The following CNTNAP4 variants were observed in gnomAD, a reference collection of about 807,000 sequenced individuals.
The protein encoded by CNTNAP4 is contactin-associated protein-like 4.
Under a neutral mutation model 148.4 loss-of-function variants are expected in CNTNAP4, and 98 were observed. The observed-to-expected ratio is 0.66, with a 90% CI of 0.56 to 0.78. The LOEUF is 0.78. Among genes scored for constraint, CNTNAP4 ranks in the 30% least tolerant of loss-of-function variants. CNTNAP4 has a pLI of 0.00. For missense variants in CNTNAP4, 1,935 were observed against 1,565.6 expected (o/e 1.24, Z -3.98); for synonymous variants, 730 against 565.1 (o/e 1.29, Z -4.14).
chr16:76,435,658 T>A (rs895470579), intron 4 of CNTNAP4, among the ~76,000 whole-genome samples: 1 of 152,078 alleles, frequency 6.6e-6, no homozygotes, highest in Non-Finnish European at 1.5e-5. Flanking sequence ...AGGTCTAAAG[T>A]GACTAATCTA....
intron 15 of CNTNAP4, among the ~76,000 whole-genome samples, chr16:76,519,941 A>G (rs1031043729): frequency 6.6e-6 from 1 of 152,336 alleles, no homozygotes; most frequent in East Asian, 1.9e-4. Context: ...CGTATAAGCA[A>G]AGTCAAGTTT....
chr16:76,328,973 G>T (rs535790262), intron 2 of CNTNAP4, among the ~76,000 whole-genome samples: 7 of 152,294 alleles, frequency 4.6e-5, no homozygotes, highest in Non-Finnish European at 7.4e-5. Flanking sequence ...ACTGGGCAAA[G>T]GGTGTTTTGG....
intron 2 of CNTNAP4, among the ~76,000 whole-genome samples, chr16:76,343,144 T>C (rs1335484673): frequency 6.6e-6 from 1 of 152,008 alleles, no homozygotes; most frequent in Non-Finnish European, 1.5e-5. Context: ...CAGAAAATGT[T>C]GGCATTAACT....
intron 1 of CNTNAP4, among the ~76,000 whole-genome samples, chr16:76,291,479 A>G (rs1222216675): frequency 6.6e-6 from 1 of 152,078 alleles, no homozygotes; most frequent in African/African-American, 2.4e-5. Context: ...CAACATTTCC[A>G]TAGCCATTAT....
intron 2 of CNTNAP4, among the ~76,000 whole-genome samples, chr16:76,332,562 A>G (rs982730581): frequency 9.2e-5 from 14 of 151,902 alleles, no homozygotes; most frequent in African/African-American, 2.7e-4. Context: ...TTCACTTTTT[A>G]TACTATTTTT....
intron 3 of CNTNAP4, among the ~76,000 whole-genome samples, chr16:76,375,889 A>G (rs575399122): frequency 2.1e-4 from 32 of 152,336 alleles, no homozygotes; most frequent in Admixed American, 7.2e-4. Flanking sequence ...TAAGGATGTC[A>G]TCTCTGTTAT....
chr16:76,519,929 C>G (rs981142135), intron 15 of CNTNAP4, among the ~76,000 whole-genome samples: 2 of 152,140 alleles, frequency 1.3e-5, no homozygotes, highest in African/African-American at 4.8e-5. Context: ...ATTTAAGAAA[C>G]ACGTATAAGC....
chr16:76,394,721 A>G (rs1198043053), intron 3 of CNTNAP4, among the ~76,000 whole-genome samples: 1 of 152,240 alleles, frequency 6.6e-6, no homozygotes, highest in Non-Finnish European at 1.5e-5. Flanking sequence ...TGTTTAATTC[A>G]ATTAAAATGT....
chr16:76,356,541 G>T (rs1394914153), intron 3 of CNTNAP4, among the ~76,000 whole-genome samples: 1 of 152,178 alleles, frequency 6.6e-6, no homozygotes, highest in Non-Finnish European at 1.5e-5. Context: ...GAACCTAAAG[G>T]ATGTTTGTTT....
chr16:76,287,919 G>T (rs1204440526), intron 1 of CNTNAP4, among the ~76,000 whole-genome samples: 2 of 152,142 alleles, frequency 1.3e-5, no homozygotes, highest in Non-Finnish European at 2.9e-5. Context: ...CCAACATTAA[G>T]TTGAGGCTTA....
intron 2 of CNTNAP4, among the ~76,000 whole-genome samples, chr16:76,332,091 A>G (rs1159495862): frequency 6.6e-6 from 1 of 152,130 alleles, no homozygotes; most frequent in Non-Finnish European, 1.5e-5. Flanking sequence ...GACCCTTTAT[A>G]GGTGACATCT....
intron 17 of CNTNAP4, among the ~76,000 whole-genome samples, chr16:76,526,048 G>A (rs1249814963): frequency 6.6e-6 from 1 of 151,938 alleles, no homozygotes; most frequent in Non-Finnish European, 1.5e-5. Flanking sequence ...AAAGTAAAAA[G>A]GGTAGCATGG....
chr16:76,531,296 C>T (rs115519380), intron 17 of CNTNAP4, among the ~76,000 whole-genome samples: 79 of 152,260 alleles, frequency 5.2e-4, no homozygotes, highest in African/African-American at 1.9e-3. Context: ...AAAGAACCAG[C>T]TTCTACTCCA....
At chr16:76,392,323 C>G (rs1159415) in intron 3 of CNTNAP4, among the ~76,000 whole-genome samples, 2 of 151,906 alleles carry the variant, frequency 1.3e-5, no homozygotes, top group Non-Finnish European at 2.9e-5. Flanking sequence ...TGGAGAGTTA[C>G]GTTAGGAAAA....
At chr16:76,301,493 C>T (rs576537665) in intron 1 of CNTNAP4, among the ~76,000 whole-genome samples, 14 of 152,016 alleles carry the variant, frequency 9.2e-5, no homozygotes, top group African/African-American at 2.7e-4. Flanking sequence ...ATAATATTAA[C>T]GATTAATATA....
intron 2 of CNTNAP4, among the ~76,000 whole-genome samples, chr16:76,321,418 A>AT (rs1189255472): frequency 6.6e-6 from 1 of 152,172 alleles, no homozygotes; most frequent in African/African-American, 2.4e-5. Flanking sequence ...AAGAGGATAG[A>AT]TCCCTAAAGA....
At chr16:76,300,078 G>A (rs945068342) in intron 1 of CNTNAP4, among the ~76,000 whole-genome samples, 6 of 151,908 alleles carry the variant, frequency 3.9e-5, no homozygotes, top group Admixed American at 1.3e-4. Context: ...ACACCAACAC[G>A]GCGCATGTAT....
intron 1 of CNTNAP4, among the ~76,000 whole-genome samples, chr16:76,289,527 C>CT (rs1474827672): frequency 9.1e-6 from 1 of 109,638 alleles, no homozygotes; most frequent in Non-Finnish European, 1.8e-5. Flanking sequence ...TTGCCTTTAG[C>CT]ATTTTTTTTT....
chr16:76,362,063 A>G (rs534617303), intron 3 of CNTNAP4, among the ~76,000 whole-genome samples: 2 of 152,216 alleles, frequency 1.3e-5, no homozygotes, highest in African/African-American at 4.8e-5. Context: ...TTACTGATAT[A>G]TTTTTACTAT....
Sources: gnomAD v4.1 joint callset for allele counts (sites outside exome capture counted in the v4.1 genomes callset) on GRCh38, gnomAD v4.1.1 for gene constraint, MANE v1.5 for transcripts, NCBI Gene and HGNC (gene_info 2026-07-23, HGNC 2026-07-21) for gene names.